Variants in EME2 observed in about 807,000 individuals in gnomAD.
The protein encoded by EME2 is essential meiotic structure-specific endonuclease subunit 2, also known as structure-specific endonuclease subunit EME2.
Under a neutral mutation model 41.9 loss-of-function variants are expected in EME2, and 58 were observed. The observed-to-expected ratio is 1.38, with a 90% CI of 1.12 to 1.72. EME2 has a LOEUF of 1.72. Ranked by LOEUF, EME2 falls within the 40% of genes most tolerant of loss-of-function variation. EME2 has a pLI of 0.00. For synonymous variants in EME2, 334 were observed against 239.3 expected, an observed-to-expected ratio of 1.40 and a Z score of -3.65; for missense variants, 695 against 541.9, an observed-to-expected ratio of 1.28 and a Z score of -2.81.
chr16:1,781,160 G>A lies in EME2; in HGVS notation c.*4922G>A. ...CTGAGGTCCTGTCACCCCTGAGGCT[G>A]TGTGTGTCCTTTGCCAAATTAAAGA... On this transcript the variant is annotated 3_prime_UTR_variant, in exon 8 of 8. Transcript: ENST00000568449. 1 of 1,529,374 alleles carries A rather than the reference G, an allele frequency of 6.5e-7. No homozygotes were observed. The highest frequency in any genetic ancestry group is 8.8e-7 in the Non-Finnish European group (1 of 1,142,618). The allele number at this position is 1,529,374 out of a possible 1,614,324, so 94.7% of individuals were successfully genotyped here. A position where few individuals can be genotyped will look rare whatever the true frequency, so the allele number is the denominator to read the frequency against.
Position 1,778,508 on chromosome 16 carries a change from G to T in EME2, c.*2270G>T, listed in dbSNP as rs77388088. ...GCAGGCTGCTACAGAAGGAGGCCTC[G>T]CTCTGCCCAGCACAGTCACAGAAGG... is the stretch of plus-strand genomic sequence containing the variant. On this transcript the variant is annotated 3_prime_UTR_variant, in exon 8 of 8. Coordinates refer to ENST00000568449, the MANE Select transcript of EME2 (RefSeq NM_001257370.2). 3 of 1,612,016 alleles carry T rather than the reference G, an allele frequency of 1.9e-6. No homozygotes were observed. In the Middle Eastern group the frequency reaches 5.1e-4, roughly 273 times the overall value.
Position 1,778,314 on chromosome 16 carries a change from G to C in EME2, c.*2076G>C. 6.2e-7 allele frequency: 1 copy of C among 1,612,316 alleles called. No individual in the cohort carries two copies. The highest frequency in any genetic ancestry group is 1.1e-5 in the South Asian group (1 of 91,082). On this transcript the variant is annotated 3_prime_UTR_variant, in exon 8 of 8. Coordinates refer to ENST00000568449, the MANE Select transcript of EME2 (RefSeq NM_001257370.2). ...ACTTATTTAAGTCATCCCAGACCCA[G>C]TCGAAATCTGCAAGAGAGGCCCAGG...
Position 1,773,071 on chromosome 16 carries a change from G to C in EME2, c.-157G>C. 7.1e-7 allele frequency: 1 copy of C among 1,416,356 alleles called. No homozygotes were observed. The highest frequency in any genetic ancestry group is 2.8e-5 in the East Asian group (1 of 35,206). 87.7% of individuals were successfully genotyped at this position (1,416,356 alleles called of 1,614,324 possible). ...AGTTGCTCCCGCAGGGCGCGCACGC[G>C]GCGGGCCAGCTCCGCGATCAGCCGC... is the stretch of plus-strand genomic sequence containing the variant. On this transcript the variant is annotated 5_prime_UTR_variant, in exon 1 of 8. Coordinates refer to ENST00000568449, the MANE Select transcript of EME2 (RefSeq NM_001257370.2).
rs1896642719 is a variant in EME2 at position 1,779,536 on chromosome 16, T to G, written c.*3298T>G. On this transcript the variant is annotated 3_prime_UTR_variant, in exon 8 of 8. Coordinates refer to ENST00000568449, the MANE Select transcript of EME2 (RefSeq NM_001257370.2). ...AGCTTCAGGGCAGGACACTGTCCTTTCTGGAGGGGATGGCCCCACCCCACA... is the reference window on the plus strand; with the variant it reads ...AGCTTCAGGGCAGGACACTGTCCTTGCTGGAGGGGATGGCCCCACCCCACA... The G allele has an allele frequency of 6.6e-6, 1 of 152,324 alleles. No homozygotes were observed. The highest frequency in any genetic ancestry group is 6.5e-5 in the Admixed American group (1 of 15,274). The allele number at this position is 152,324 out of a possible 1,614,324, so 9.4% of individuals were successfully genotyped here.
At position 1,773,618 on chromosome 16, in the gene EME2, A is replaced by G. The variant is rs950316169; in HGVS notation, c.248-87A>G. On this transcript the variant is annotated intron_variant, in intron 1 of 7. Coordinates refer to ENST00000568449, the MANE Select transcript of EME2 (RefSeq NM_001257370.2). ...CCAGTCGGGGGTTTGTGCCGAATGG[A>G]GACTCCCCGGTCCGGCCACCCGCCC... 1.9e-6 allele frequency: 3 copies of G among 1,539,102 alleles called. No individual in the cohort carries two copies. In the Admixed American group the frequency reaches 6.0e-5, roughly 31 times the overall value.
rs1216832882 is a variant in EME2 at position 1,776,287 on chromosome 16, A to G, written c.*49A>G. On this transcript the variant is annotated 3_prime_UTR_variant, in exon 8 of 8. Coordinates refer to ENST00000568449, the MANE Select transcript of EME2 (RefSeq NM_001257370.2). Reference sequence around the variant, plus strand: ...GCATGCAGCCTTGGGGACAGACCAGACACCCTGGGCGGTGGGGGAGGACCC... The same window carrying G: ...GCATGCAGCCTTGGGGACAGACCAGGCACCCTGGGCGGTGGGGGAGGACCC... The G allele has an allele frequency of 1.3e-6, 2 of 1,590,068 alleles. No individual in the cohort carries two copies. The highest frequency in any genetic ancestry group is 2.7e-5 in the African/African-American group (2 of 74,390).
rs1324511382 is a variant in EME2 at position 1,775,566 on chromosome 16, C to T, written c.664-3C>T. The stretch of plus-strand genomic sequence containing the variant: ...CGTGCCCATCAGCTTGCCTCCTCCC[C>T]AGGCCCTGGTACTCCTGCAGCTCTG... On this transcript the variant is annotated splice_polypyrimidine_tract_variant and splice_region_variant and intron_variant, in intron 5 of 7. Transcript: ENST00000568449. 6.2e-7 allele frequency: 1 copy of T among 1,612,798 alleles called. No individual in the cohort carries two copies. Among genetic ancestry groups the T allele is most frequent in the Non-Finnish European group, 8.5e-7 (1 of 1,179,834 alleles).
chr16:1,777,425 A>C lies in EME2; in HGVS notation c.*1187A>C. ...CATCGGGTAGAATCTCTTGTTCTGC[A>C]GCTTGGTGGCTGCCACACCTGGAAG... On this transcript the variant is annotated 3_prime_UTR_variant, in exon 8 of 8. Coordinates refer to ENST00000568449, the MANE Select transcript of EME2 (RefSeq NM_001257370.2). 2.6e-6 allele frequency: 4 copies of C among 1,535,982 alleles called. No individual in the cohort carries two copies. The highest frequency in any genetic ancestry group is 3.5e-6 in the Non-Finnish European group (4 of 1,143,564).
At position 1,781,469 on chromosome 16, in the gene EME2, G is replaced by T; in HGVS notation, c.*5231G>T. ...CGAAGTGCCAGGCCCTGCTGTTCCG[G>T]GGGCGTCTGGCCATGGTGGAAAGAA... On this transcript the variant is annotated 3_prime_UTR_variant, in exon 8 of 8. Transcript: ENST00000568449. The T allele has an allele frequency of 6.2e-7, 1 of 1,612,578 alleles. No homozygotes were observed. The highest frequency in any genetic ancestry group is 1.3e-5 in the African/African-American group (1 of 75,036).
chr16:1,775,013 C>G, intron 3 of EME2, 28 bp from the exon 4 acceptor site: 1 of 1,584,610 alleles, frequency 6.3e-7, no homozygotes, highest in East Asian at 2.2e-5. Context: ...CTCCTGTGAA[C>G]AACTGTGCCA....
At chr16:1,773,987 G>C (rs538643966) in intron 2 of EME2, 146 bp downstream of exon 2, 6 of 1,157,288 alleles carry the variant, frequency 5.2e-6, no homozygotes, top group African/African-American at 1.5e-5. Context: ...ACGGGAAGTG[G>C]AGGTGCCCAA....
intron 3 of EME2, 162 bp from the exon 4 acceptor site, chr16:1,774,879 C>T: frequency 1.5e-6 from 1 of 685,204 alleles, no homozygotes. Flanking sequence ...GTGGGAGGCA[C>T]AGAGCTGGTT....
Position 1,773,143 on chromosome 16 carries a change from C to A in EME2, c.-85C>A. 7.2e-7 allele frequency: 1 copy of A among 1,390,892 alleles called. No homozygotes were observed. The highest frequency in any genetic ancestry group is 9.3e-7 in the Non-Finnish European group (1 of 1,078,146). The allele number at this position is 1,390,892 out of a possible 1,614,324, so 86.2% of individuals were successfully genotyped here. A position where few individuals can be genotyped will look rare whatever the true frequency, so the allele number is the denominator to read the frequency against. On this transcript the variant is annotated 5_prime_UTR_variant, in exon 1 of 8. Coordinates refer to ENST00000568449, the MANE Select transcript of EME2 (RefSeq NM_001257370.2). ...ATGGCGGGTCCGCGTCCTCAGCGGTCCGGCCGGAAGTCACCGGAAGAGGCC... is the reference window on the plus strand; with the variant it reads ...ATGGCGGGTCCGCGTCCTCAGCGGTACGGCCGGAAGTCACCGGAAGAGGCC...
chr16:1,780,708 T>C lies in EME2; in HGVS notation c.*4470T>C, dbSNP rs1249634184. On this transcript the variant is annotated 3_prime_UTR_variant, in exon 8 of 8. Transcript: ENST00000568449. ...AGTTAACAATGGTCACCTCCAGAAA[T>C]GGGCTGGGTAAACCAAAGAATTTTT... The C allele has an allele frequency of 6.2e-6, 1 of 162,058 alleles. No individual in the cohort carries two copies. The highest frequency in any genetic ancestry group is 5.8e-5 in the Admixed American group (1 of 17,140). The allele number at this position is 162,058 out of a possible 1,614,324, so 10.0% of individuals were successfully genotyped here.
In EME2 at chr16:1,777,930, C is replaced by G; in HGVS notation, c.*1692C>G. 1 of 1,612,474 alleles carries G rather than the reference C, an allele frequency of 6.2e-7. No homozygotes were observed. The highest frequency in any genetic ancestry group is 8.5e-7 in the Non-Finnish European group (1 of 1,179,860). ...AGCTCCAGGCTCGGCCCCGCCCCAC[C>G]CTGGGCCTCACGCACCCGTGTAGGA... On this transcript the variant is annotated 3_prime_UTR_variant, in exon 8 of 8. Coordinates refer to ENST00000568449, the MANE Select transcript of EME2 (RefSeq NM_001257370.2).
rs760675298 is a variant in EME2, at chr16:1,774,322, G to C, written c.447G>C (p.Glu149Asp). The C allele has an allele frequency of 1.5e-5, 24 of 1,612,824 alleles. No homozygotes were observed. The highest frequency in any genetic ancestry group is 1.9e-5 in the Non-Finnish European group (23 of 1,179,946). Residue 149 changes from glutamate to aspartate, a missense_variant, in exon 3 of 8, where the codon GAG becomes GAC. Coordinates refer to ENST00000568449, the MANE Select transcript of EME2 (RefSeq NM_001257370.2). ...TGCTGCTGCTGCTGGAGCCCGAGGAGTTTCTGCAGGGCGTCGCCACACTGA... is the reference window on the plus strand; with the variant it reads ...TGCTGCTGCTGCTGGAGCCCGAGGACTTTCTGCAGGGCGTCGCCACACTGA... ...QELLLLLEPEEFLQGVATLTQ... is the reference protein window; with the variant it reads ...QELLLLLEPEDFLQGVATLTQ...
chr16:1,775,479 G>A, intron 5 of EME2, 71 bp downstream of exon 5: 2 of 1,594,634 alleles, frequency 1.3e-6, no homozygotes, highest in Non-Finnish European at 1.7e-6. Flanking sequence ...GCTGGGTTTG[G>A]TTCCCAGCGT....
rs773246869 is a variant in EME2, at chr16:1,781,436, A to G, written c.*5198A>G. Reference sequence around the variant, plus strand: ...GGGCATCTGCGTCTCGGCGGGCTGCACTCAGGACGAAGTGCCAGGCCCTGC... The same window carrying G: ...GGGCATCTGCGTCTCGGCGGGCTGCGCTCAGGACGAAGTGCCAGGCCCTGC... On this transcript the variant is annotated 3_prime_UTR_variant, in exon 8 of 8. Transcript: ENST00000568449. The G allele has an allele frequency of 9.9e-6, 16 of 1,612,634 alleles. No individual in the cohort carries two copies. The East Asian group carries it at 3.6e-4, about 36-fold the overall frequency.
At chr16:1,773,672 A>T (rs1414243562) in intron 1 of EME2, 33 bp from the exon 2 acceptor site, 2 of 1,547,424 alleles carry the variant, frequency 1.3e-6, no homozygotes, top group Non-Finnish European at 1.7e-6. Context: ...GGTGGAAGGA[A>T]GCAGTGACCG....
Sources: allele counts gnomAD v4.1 joint callset, GRCh38; gene constraint gnomAD v4.1.1; transcripts MANE v1.5; gene names NCBI Gene and HGNC (gene_info 2026-07-23, HGNC 2026-07-21).